FAT1: variants seen among roughly 807,000 people sequenced by gnomAD.
FAT1 encodes FAT atypical cadherin 1, also known as protocadherin Fat 1.
Under a neutral mutation model 329.8 loss-of-function variants are expected in FAT1, and 171 were observed. The observed-to-expected ratio is 0.52, with a 90% confidence interval of 0.46 to 0.59. FAT1 has a LOEUF of 0.59. FAT1 is among the 20% of genes least tolerant of loss of function. The probability of loss-of-function intolerance (pLI) is 0.00; values close to 1 mark genes in which losing one functional copy is unlikely to be tolerated. For missense variants in FAT1, 5,672 were observed against 5,774.4 expected (o/e 0.98, Z 0.57); for synonymous variants, 2,233 against 2,228.6 (o/e 1.00, Z -0.06).
At position 186,706,738 on chromosome 4, in the gene FAT1, G is replaced by C. The variant is rs757560614; in HGVS notation, c.3090C>G (p.His1030Gln). 6.2e-7 allele frequency: 1 copy of C among 1,613,948 alleles called. No individual in the cohort carries two copies. Among genetic ancestry groups the C allele is most frequent in the South Asian group, 1.1e-5 (1 of 91,074 alleles). Residue 1030 changes from histidine (H) to glutamine (Q), a missense_variant, in exon 2 of 27, where the codon CAC becomes CAG. His to Gln is a conservative substitution (Grantham distance 24, BLOSUM62 0). Coordinates refer to ENST00000441802, the MANE Select transcript of FAT1 (RefSeq NM_005245.4). Reference sequence around the variant, plus strand: ...CCACAAAGCTGGAAAACACGGGTGGGTGCAGGTTCTCATTCACATCAACCA... The same window carrying C: ...CCACAAAGCTGGAAAACACGGGTGGCTGCAGGTTCTCATTCACATCAACCA... ...VEVVDVNENL[H>Q]PPVFSSFVEK...
rs751237315 is a variant in FAT1, at chr4:186,707,854, A to G, written c.1974T>C (p.Tyr658=). 1.2e-6 allele frequency: 2 copies of G among 1,613,888 alleles called. No homozygotes were observed. Among genetic ancestry groups the G allele is most frequent in the East Asian group, 4.5e-5 (2 of 44,882 alleles). ...GACTGGCAGCCACTGTTATGTTGAT[A>G]TATAATGGTGTGGCAAAATTTTCTC... The part of the protein sequence containing the change: ...TDGENFATPL[Y]INITVAASHK... The change falls in exon 2 of 27, where the codon TAT becomes TAC. Residue 658 remains tyrosine (Y), a synonymous_variant. Coordinates refer to ENST00000441802, the MANE Select transcript of FAT1 (RefSeq NM_005245.4).
At chr4:186,694,084 TCCA>T (rs2126664452) in intron 2 of FAT1, among the ~76,000 whole-genome samples, 1 of 139,460 alleles carries the variant, frequency 7.2e-6, no homozygotes, top group African/African-American at 2.7e-5. Flanking sequence ...ATCTAACCCA[TCCA>T]CCATCTTCCT....
At chr4:186,637,608 C>G (rs1305033171) in intron 4 of FAT1, among the ~76,000 whole-genome samples, 1 of 152,148 alleles carries the variant, frequency 6.6e-6, no homozygotes, top group Non-Finnish European at 1.5e-5. Context: ...GAAAAAATAT[C>G]AGAGAGTCTT....
At chr4:186,706,491 A>G (rs1168962458) in intron 2 of FAT1, 72 bp downstream of exon 2, 3 of 1,463,838 alleles carry the variant, frequency 2.0e-6, no homozygotes, top group Non-Finnish European at 2.7e-6. Context: ...AGAAGCTGCC[A>G]CAGGGCAGAT....
In FAT1 at chr4:186,708,445, A is replaced by G; in HGVS notation, c.1383T>C (p.Pro461=). The G allele has an allele frequency of 6.2e-7, 1 of 1,613,962 alleles. No individual in the cohort carries two copies. The highest frequency in any genetic ancestry group is 1.1e-5 in the South Asian group (1 of 91,076). Residue 461 remains proline (P), a synonymous_variant, in exon 2 of 27, where the codon CCT becomes CCC. Coordinates refer to ENST00000441802, the MANE Select transcript of FAT1 (RefSeq NM_005245.4). The part of the protein sequence containing the change: ...VKVLGANSNP[P]EFTQTAYKAA... ...CTTTGTACGCTGTCTGGGTAAATTC[A>G]GGGGGATTGCTATTTGCACCTAAGA...
intron 7 of FAT1, among the ~76,000 whole-genome samples, chr4:186,632,872 C>A (rs896703281): frequency 1.8e-4 from 27 of 152,092 alleles, no homozygotes; most frequent in Admixed American, 1.7e-3. Flanking sequence ...TTCATTTAGG[C>A]CACAGTAGAT....
intron 9 of FAT1, among the ~76,000 whole-genome samples, 183 bp downstream of exon 9, chr4:186,627,971 G>T (rs771002596): frequency 1.3e-5 from 2 of 148,978 alleles, no homozygotes; most frequent in Non-Finnish European, 3.0e-5. Context: ...CTCTCTGATG[G>T]GCTAAAAGTT....
intron 1 of FAT1, among the ~76,000 whole-genome samples, chr4:186,723,084 C>G (rs1579515469): frequency 6.6e-6 from 1 of 152,344 alleles, no homozygotes; most frequent in Admixed American, 6.5e-5. Context: ...AAAACTCTTT[C>G]TTTTAAAAAG....
chr4:186,705,192 C>T (rs1224784519), intron 2 of FAT1, among the ~76,000 whole-genome samples: 2 of 151,452 alleles, frequency 1.3e-5, no homozygotes, highest in Non-Finnish European at 2.9e-5. Flanking sequence ...AATCCTCCCA[C>T]CTGCGCCTCC....
upstream of FAT1, chr4:186,726,547 G>C (rs932383814): frequency 6.6e-6 from 1 of 152,270 alleles, no homozygotes; most frequent in African/African-American, 2.4e-5. Context: ...GGAGGCTTCC[G>C]ACCAGGGCAA....
Position 186,619,039 on chromosome 4 carries a change from GT to G in FAT1, c.7546del (p.Thr2516LeufsTer17). The G allele has an allele frequency of 6.2e-7, 1 of 1,614,008 alleles. No homozygotes were observed. Among genetic ancestry groups the G allele is most frequent in the Non-Finnish European group, 8.5e-7 (1 of 1,179,894 alleles). On this transcript the variant is annotated frameshift_variant, in exon 10 of 27. Coordinates refer to ENST00000441802, the MANE Select transcript of FAT1 (RefSeq NM_005245.4). LOFTEE classifies it high-confidence loss of function. ...PLHTLVMEVK[T>X]TDGDSGIYGH... ...ATAAATACCAGAATCCCCATCCGTA[GT>G]TTTCACCTCCATCACCAGGGTATGT...
intron 2 of FAT1, among the ~76,000 whole-genome samples, chr4:186,681,828 A>C (rs1404639015): frequency 1.3e-5 from 2 of 152,242 alleles, no homozygotes; most frequent in Non-Finnish European, 2.9e-5. Flanking sequence ...GACAATAAAA[A>C]CCAGGAAAAG....
intron 11 of FAT1, among the ~76,000 whole-genome samples, chr4:186,615,270 C>T (rs1739658960): frequency 6.6e-6 from 1 of 152,102 alleles, no homozygotes; most frequent in Non-Finnish European, 1.5e-5. Flanking sequence ...CAAATAAGAA[C>T]TGGAATTAAC....
At chr4:186,680,660 G>A (rs547043017) in intron 2 of FAT1, among the ~76,000 whole-genome samples, 1 of 152,270 alleles carries the variant, frequency 6.6e-6, no homozygotes, top group African/African-American at 2.4e-5. Flanking sequence ...CAAAGAACAA[G>A]AGTTAAAAGA....
intron 2 of FAT1, among the ~76,000 whole-genome samples, chr4:186,678,751 G>A (rs1484653623): frequency 6.6e-6 from 1 of 152,004 alleles, no homozygotes; most frequent in Non-Finnish European, 1.5e-5. Flanking sequence ...TGAAGGGAAT[G>A]TAAATTAGTT....
In FAT1 at chr4:186,709,240, A is replaced by G. The variant is rs375522339; in HGVS notation, c.588T>C (p.Ala196=). 570 of 1,613,904 alleles carry G rather than the reference A, an allele frequency of 3.5e-4. No homozygotes were observed. Among genetic ancestry groups the G allele is most frequent in the Non-Finnish European group, 4.4e-4 (525 of 1,179,902 alleles). Residue 196 remains alanine (A), a synonymous_variant, in exon 2 of 27, where the codon GCT becomes GCC. Coordinates refer to ENST00000441802, the MANE Select transcript of FAT1 (RefSeq NM_005245.4). Reference sequence around the variant, plus strand: ...CTATCACACCACTGGTTGGGTGAATAGCAAACATATCTGTTCGATCTTTAA... The same window carrying G: ...CTATCACACCACTGGTTGGGTGAATGGCAAACATATCTGTTCGATCTTTAA... ...YSFKDRTDMF[A]IHPTSGVIVL...
chr4:186,721,375 T>C (rs1348947751), intron 1 of FAT1, among the ~76,000 whole-genome samples: 1 of 152,238 alleles, frequency 6.6e-6, no homozygotes, highest in Non-Finnish European at 1.5e-5. Context: ...ATATCACTCA[T>C]TTCAAAAACT....
At chr4:186,659,816 C>T (rs192045465) in intron 3 of FAT1, among the ~76,000 whole-genome samples, 1,524 of 148,444 alleles carry the variant, frequency 0.01, 22 homozygotes, top group African/African-American at 0.036. Flanking sequence ...GTCCCCTGAA[C>T]GACCCTGGGT....
chr4:186,659,768 C>A (rs1454846010), intron 3 of FAT1, among the ~76,000 whole-genome samples: 1 of 149,406 alleles, frequency 6.7e-6, no homozygotes, highest in Admixed American at 6.7e-5. Context: ...ACCCTGGGTG[C>A]TCCTGCACTT....
Sources: gnomAD v4.1 joint callset for allele counts (sites outside exome capture counted in the v4.1 genomes callset) on GRCh38, gnomAD v4.1.1 for gene constraint, MANE v1.5 for transcripts, NCBI Gene and HGNC (gene_info 2026-07-23, HGNC 2026-07-21) for gene names.